Variants in STX8 observed in about 807,000 individuals in gnomAD.
STX8 encodes syntaxin 8.
STX8 carries 23 observed loss-of-function variants against 37.5 expected under a neutral mutation model. The observed-to-expected ratio is 0.61, with a 90% CI of 0.44 to 0.87. STX8 has a LOEUF of 0.87. STX8 is among the 40% of genes least tolerant of loss of function. The pLI is 0.00. For synonymous variants in STX8, 115 were observed against 99.1 expected (o/e 1.16, Z -0.95); for missense variants, 313 against 284.7 (o/e 1.10, Z -0.71).
rs1305525061 is a variant in STX8, at chr17:9,507,516, A to G, written c.324-2354T>C. On this transcript the variant is annotated intron_variant, in intron 4 of 7. Coordinates refer to ENST00000306357, the MANE Select transcript of STX8 (RefSeq NM_004853.3). The surrounding 1 kb of genome is among the most constrained non-coding windows in gnomAD (Gnocchi z 4.0). ...AGGCTGTCCCCAGCAGGCATTCCCC[A>G]CAGGAGAGCTGAGCAGCAGTGTGCC... Among the ~76,000 whole-genome samples the G allele has an allele frequency of 6.6e-6, 1 of 152,090 alleles. No individual in the cohort carries two copies. The highest frequency in any genetic ancestry group is 1.9e-4 in the East Asian group (1 of 5,182).
At chr17:9,482,678 C>T (rs1347908088) in intron 6 of STX8, among the ~76,000 whole-genome samples, 1 of 152,162 alleles carries the variant, frequency 6.6e-6, no homozygotes, top group Non-Finnish European at 1.5e-5. Flanking sequence ...CTTTGGGAGG[C>T]CACAGCAGGC....
chr17:9,493,314 C>T (rs1037195895), intron 5 of STX8, among the ~76,000 whole-genome samples: 1 of 152,132 alleles, frequency 6.6e-6, no homozygotes, highest in Admixed American at 6.6e-5. Flanking sequence ...TGAACCAAGG[C>T]TGCTTGAATA....
intron 7 of STX8, among the ~76,000 whole-genome samples, chr17:9,349,316 C>CTTTTTT (rs61627405): frequency 1.1e-3 from 121 of 109,700 alleles, no homozygotes; most frequent in Non-Finnish European, 1.6e-3. Context: ...ATTTTCTTTT[C>CTTTTTT]TTTTTTTTTT....
chr17:9,495,294 T>C (rs530905334), intron 5 of STX8, among the ~76,000 whole-genome samples: 10 of 152,270 alleles, frequency 6.6e-5, no homozygotes, highest in South Asian at 2.1e-4. Flanking sequence ...TAACAACCTC[T>C]TGGATGGCCT....
chr17:9,453,771 G>A (rs1217681078), intron 6 of STX8, among the ~76,000 whole-genome samples: 2 of 152,140 alleles, frequency 1.3e-5, no homozygotes, highest in African/African-American at 4.8e-5. Flanking sequence ...GGGATTACAG[G>A]TGTGAGCCAC....
chr17:9,289,050 T>C (rs1908207179), intron 7 of STX8, among the ~76,000 whole-genome samples: 1 of 152,142 alleles, frequency 6.6e-6, no homozygotes, highest in Non-Finnish European at 1.5e-5. Context: ...AAATAGGATG[T>C]ACAACAAGGT....
chr17:9,283,208 G>GT (rs1252655470), intron 7 of STX8: 1 of 152,144 alleles, frequency 6.6e-6, no homozygotes, highest in African/African-American at 2.4e-5. Flanking sequence ...AAACTAAAGG[G>GT]TTTTTTCCTT....
intron 7 of STX8, among the ~76,000 whole-genome samples, chr17:9,309,840 T>C (rs1909130446): frequency 1.3e-5 from 2 of 152,062 alleles, no homozygotes; most frequent in African/African-American, 4.8e-5. Context: ...TCTAGAAAAA[T>C]AGGGTCTTAC....
intron 7 of STX8, among the ~76,000 whole-genome samples, chr17:9,288,441 C>T (rs933687830): frequency 6.6e-6 from 1 of 151,696 alleles, no homozygotes; most frequent in Non-Finnish European, 1.5e-5. Flanking sequence ...ACGGGTGGAT[C>T]ACGAGATCAA....
intron 6 of STX8, among the ~76,000 whole-genome samples, chr17:9,476,762 T>C (rs1230228042): frequency 6.6e-6 from 1 of 151,960 alleles, no homozygotes. Context: ...CAGAGGTCAT[T>C]TCTTCTGAGG....
chr17:9,507,375 C>T lies in STX8; in HGVS notation c.324-2213G>A, dbSNP rs776605283. ...AACTCCCCTAGGCCAGCCGAGCAGC[C>T]TTGTGTTCATATCCCGGGTCTGAGA... On this transcript the variant is annotated intron_variant, in intron 4 of 7. Coordinates refer to ENST00000306357, the MANE Select transcript of STX8 (RefSeq NM_004853.3). The surrounding 1 kb of genome is among the most constrained non-coding windows in gnomAD (Gnocchi z 4.0). Among the ~76,000 whole-genome samples the T allele has an allele frequency of 6.6e-6, 1 of 151,876 alleles. No homozygotes were observed. The highest frequency in any genetic ancestry group is 2.4e-5 in the African/African-American group (1 of 41,338).
At chr17:9,305,326 C>T (rs910760235) in intron 7 of STX8, among the ~76,000 whole-genome samples, 9 of 151,880 alleles carry the variant, frequency 5.9e-5, no homozygotes, top group East Asian at 1.9e-4. Flanking sequence ...CTCCTGACCT[C>T]GTGGTCCACC....
intron 6 of STX8, among the ~76,000 whole-genome samples, chr17:9,490,732 T>A (rs886118146): frequency 6.6e-6 from 1 of 152,206 alleles, no homozygotes; most frequent in Non-Finnish European, 1.5e-5. Flanking sequence ...TAGAATACTT[T>A]ACATTTTCTT....
At chr17:9,314,994 T>TG (rs1195851395) in intron 7 of STX8, among the ~76,000 whole-genome samples, 1 of 149,440 alleles carries the variant, frequency 6.7e-6, no homozygotes, top group Non-Finnish European at 1.5e-5. Flanking sequence ...CCCAGCTACT[T>TG]GGGAGGCTGA....
intron 7 of STX8, among the ~76,000 whole-genome samples, chr17:9,294,532 C>A (rs774381860): frequency 7.2e-5 from 11 of 152,160 alleles, no homozygotes; most frequent in Non-Finnish European, 1.6e-4. Flanking sequence ...TTAGAGCAGA[C>A]AACAAGGAGC....
rs2142477065 is a variant in STX8, at chr17:9,492,059, A to G, written c.449-138T>C. 5.4e-6 allele frequency: 3 copies of G among 559,968 alleles called. No homozygotes were observed. The Admixed American group carries it at 1.1e-4, about 21-fold the overall frequency. 34.7% of individuals were successfully genotyped at this position (559,968 alleles called of 1,614,324 possible). ...AAGAGAAAAGAGTTAACATTATTGG[A>G]ACAAAATTTAAAAACTAAACACCTA... On this transcript the variant is annotated intron_variant, in intron 5 of 7. Transcript: ENST00000306357.
chr17:9,315,216 C>G (rs572178309), intron 7 of STX8, among the ~76,000 whole-genome samples: 2 of 151,874 alleles, frequency 1.3e-5, no homozygotes, highest in South Asian at 4.2e-4. Flanking sequence ...GATGGGAAGT[C>G]AGACACCTCA....
Position 9,323,613 on chromosome 17 carries a change from G to A in STX8, c.643+54939C>T, listed in dbSNP as rs79703494. Among the ~76,000 whole-genome samples the A allele has an allele frequency of 2.7e-3, 417 of 152,146 alleles. 4 individuals are homozygous for A. The highest frequency in any genetic ancestry group is 9.3e-3 in the African/African-American group (388 of 41,506). The stretch of plus-strand genomic sequence containing the variant: ...AATGCCTCTCTGTACAAGGCACCGT[G>A]GTAGACTCTCAGGGCACCAGAAAGA... On this transcript the variant is annotated intron_variant, in intron 7 of 7. Transcript: ENST00000306357.
At position 9,556,466 on chromosome 17, in the gene STX8, G is replaced by C. The variant is rs1263600871; in HGVS notation, c.212+968C>G. ...TTCTCTTTTTTTATTATTTGAGACAGGGTCACACTCTGTTGCCCAAGCTGG... is the reference window on the plus strand; with the variant it reads ...TTCTCTTTTTTTATTATTTGAGACACGGTCACACTCTGTTGCCCAAGCTGG... On this transcript the variant is annotated intron_variant, in intron 3 of 7. Coordinates refer to ENST00000306357, the MANE Select transcript of STX8 (RefSeq NM_004853.3). Among the ~76,000 whole-genome samples the C allele has an allele frequency of 3.9e-5, 6 of 152,028 alleles. No individual in the cohort carries two copies. In the East Asian group the frequency reaches 1.2e-3, roughly 29 times the overall value.
Sources: allele counts gnomAD v4.1 joint callset (sites outside exome capture counted in the v4.1 genomes callset), GRCh38; gene constraint gnomAD v4.1.1; non-coding constraint Gnocchi (gnomAD v3.1); transcripts MANE v1.5; gene names NCBI Gene and HGNC (gene_info 2026-07-23, HGNC 2026-07-21).